The following CACNG8 variants were observed in gnomAD, a reference collection of about 807,000 sequenced individuals.
CACNG8 encodes the protein calcium voltage-gated channel auxiliary subunit gamma 8, also known as voltage-dependent calcium channel gamma-8 subunit.
CACNG8 carries 5 observed loss-of-function variants against 26.9 expected under a neutral mutation model. The observed-to-expected ratio is 0.19, with a 90% CI of 0.10 to 0.39. The LOEUF (loss-of-function observed/expected upper bound fraction) is 0.39. Among genes scored for constraint, CACNG8 ranks in the 10% least tolerant of loss-of-function variants. CACNG8 has a pLI of 1.00. For synonymous variants in CACNG8, 321 were observed against 296.7 expected (o/e 1.08, Z -0.84); for missense variants, 473 against 609.4 (o/e 0.78, Z 2.36).
At chr19:53,969,426 CTTT>C (rs535359558) in intron 1 of CACNG8, among the ~76,000 whole-genome samples, 9 of 140,102 alleles carry the variant, frequency 6.4e-5, no homozygotes, top group Non-Finnish European at 7.8e-5. Context: ...GATTTGTTTA[CTTT>C]TTTTTTTTTT....
At position 53,982,826 on chromosome 19, in the gene CACNG8, A is replaced by G. The variant is rs955211366; in HGVS notation, c.1255A>G (p.Asn419Asp). Reference sequence around the variant, plus strand: ...CGCCGCCTCCAACACCAACACGCTCAACAGGAAAACCACGCCTGTGTAGGG... The same window carrying G: ...CGCCGCCTCCAACACCAACACGCTCGACAGGAAAACCACGCCTGTGTAGGG... Residue 419 changes from asparagine to aspartate, a missense_variant, in exon 4 of 4, where the codon AAC (asparagine) becomes GAC (aspartate). Asn to Asp is a conservative substitution (Grantham distance 23). Transcript: ENST00000270458. This position sits in a 1 kb window ranked among gnomAD's most constrained non-coding sequence, Gnocchi z 8.4. The G allele has an allele frequency of 1.5e-6, 2 of 1,370,264 alleles. No homozygotes were observed. The highest frequency in any genetic ancestry group is 1.9e-6 in the Non-Finnish European group (2 of 1,055,156). The allele number at this position is 1,370,264 out of a possible 1,614,324, so 84.9% of individuals were successfully genotyped here.
rs532141444 is a variant in CACNG8, at chr19:53,963,373, G to A, written c.231G>A (p.Lys77=). Residue 77 remains lysine (K), a synonymous_variant, in exon 1 of 4, where the codon AAG becomes AAA. Coordinates refer to ENST00000270458, the MANE Select transcript of CACNG8 (RefSeq NM_031895.6). The stretch of plus-strand genomic sequence containing the variant: ...GGGGCGGCGGCGCCTCGGAGAAGAA[G>A]GACCCCGGCGGCCTCACGCACTCGG... 1.9e-6 allele frequency: 3 copies of A among 1,585,340 alleles called. No homozygotes were observed. Among genetic ancestry groups the A allele is most frequent in the Admixed American group, 1.7e-5 (1 of 57,982 alleles).
intron 3 of CACNG8, among the ~76,000 whole-genome samples, chr19:53,981,081 C>T (rs192360855): frequency 1.2e-4 from 19 of 152,024 alleles, no homozygotes; most frequent in African/African-American, 4.6e-4. Context: ...GAGTAGAAGG[C>T]GGGGCCTGCT....
rs1411323471 is a variant in CACNG8 at position 53,982,648 on chromosome 19, C to G, written c.1077C>G (p.Arg359=). 18 of 1,050,894 alleles carry G rather than the reference C, an allele frequency of 1.7e-5. No individual in the cohort carries two copies. The highest frequency in any genetic ancestry group is 2.1e-5 in the Non-Finnish European group (18 of 874,488). 65.1% of individuals were successfully genotyped at this position (1,050,894 alleles called of 1,614,324 possible). A position where few individuals can be genotyped will look rare whatever the true frequency, so the allele number is the denominator to read the frequency against. Residue 359 remains arginine (R), a synonymous_variant, in exon 4 of 4, where the codon CGC becomes CGG. Transcript: ENST00000270458. The surrounding 1 kb of genome is among the most constrained non-coding windows in gnomAD (Gnocchi z 8.4). Reference sequence around the variant, plus strand: ...GCGGGGCGGGTGCCGAGCGGGACCGCGGGGGGGCGTCCGGCTTCCTCACGC... The same window carrying G: ...GCGGGGCGGGTGCCGAGCGGGACCGGGGGGGGGCGTCCGGCTTCCTCACGC...
chr19:53,965,537 G>A (rs1568795657), intron 1 of CACNG8, among the ~76,000 whole-genome samples: 1 of 151,914 alleles, frequency 6.6e-6, no homozygotes, highest in South Asian at 2.1e-4. Flanking sequence ...AGGACAGCAC[G>A]TGGCATCTAG....
At chr19:53,966,248 C>T (rs1175196270) in intron 1 of CACNG8, among the ~76,000 whole-genome samples, 10 of 151,444 alleles carry the variant, frequency 6.6e-5, no homozygotes, top group Non-Finnish European at 1.2e-4. Flanking sequence ...CCACCATGCC[C>T]GGCTAATTTT....
intron 1 of CACNG8, among the ~76,000 whole-genome samples, chr19:53,975,164 G>A (rs2145937575): frequency 6.6e-6 from 1 of 152,064 alleles, no homozygotes; most frequent in East Asian, 1.9e-4. Flanking sequence ...GGCCAGGATG[G>A]TCTCGATTCT....
At chr19:53,969,874 G>A (rs2069292114) in intron 1 of CACNG8, among the ~76,000 whole-genome samples, 2 of 152,154 alleles carry the variant, frequency 1.3e-5, no homozygotes, top group Non-Finnish European at 2.9e-5. Context: ...GCTCACACCT[G>A]TAATCCCAGC....
intron 1 of CACNG8, among the ~76,000 whole-genome samples, chr19:53,965,227 A>G (rs936235982): frequency 3.3e-5 from 5 of 152,188 alleles, no homozygotes; most frequent in African/African-American, 1.2e-4. Flanking sequence ...CATTGCCAAC[A>G]GTTAAAAATA....
intron 1 of CACNG8, among the ~76,000 whole-genome samples, chr19:53,969,431 T>G (rs1043786173): frequency 4.0e-5 from 6 of 151,842 alleles, no homozygotes; most frequent in Middle Eastern, 3.4e-3. Flanking sequence ...GTTTACTTTT[T>G]TTTTTTTTTT....
rs561997929 is a variant in CACNG8 at position 53,967,843 on chromosome 19, T to C, written c.283+4418T>C. ...GAGAGAGACTCTAAGAAAAAAAAAC[T>C]TTTTTTTTTGAATTCCATGTCATTT... is the stretch of plus-strand genomic sequence containing the variant. On this transcript the variant is annotated intron_variant, in intron 1 of 3. Transcript: ENST00000270458. 6.5e-4 allele frequency among the ~76,000 whole-genome samples: 97 copies of C among 148,582 alleles called. 1 individual carries two copies. The East Asian group carries it at 0.015, about 24-fold the overall frequency.
chr19:53,976,330 G>T (rs2069330272), intron 1 of CACNG8, among the ~76,000 whole-genome samples: 2 of 152,172 alleles, frequency 1.3e-5, no homozygotes, highest in South Asian at 4.1e-4. Flanking sequence ...CTCCAAACTT[G>T]GGCAACAGAG....
chr19:53,965,272 T>A (rs891924499), intron 1 of CACNG8, among the ~76,000 whole-genome samples: 1 of 152,174 alleles, frequency 6.6e-6, no homozygotes, highest in African/African-American at 2.4e-5. Flanking sequence ...ATTTCCGGCT[T>A]CTTCTGAGCT....
chr19:53,968,343 C>A (rs916536572), intron 1 of CACNG8, among the ~76,000 whole-genome samples: 1 of 151,504 alleles, frequency 6.6e-6, no homozygotes, highest in African/African-American at 2.4e-5. Flanking sequence ...CCACTACACT[C>A]CAGTCTGGGC....
At position 53,963,316 on chromosome 19, in the gene CACNG8, G is replaced by C. The variant is rs756488946; in HGVS notation, c.174G>C (p.Thr58=). 5.4e-5 allele frequency: 86 copies of C among 1,603,000 alleles called. No homozygotes were observed. In the Admixed American group the frequency reaches 5.9e-4, roughly 11 times the overall value. The change falls in exon 1 of 4, where the codon ACG becomes ACC. Residue 58 remains threonine, a synonymous_variant. Coordinates refer to ENST00000270458, the MANE Select transcript of CACNG8 (RefSeq NM_031895.6). Reference sequence around the variant, plus strand: ...TCATCTGCAACACCACCAACCTCACGGCCGGCGGCGACGACGGGACCCCCC... The same window carrying C: ...TCATCTGCAACACCACCAACCTCACCGCCGGCGGCGACGACGGGACCCCCC...
chr19:53,963,092 C>T lies in CACNG8; in HGVS notation c.-51C>T, dbSNP rs989921847. ...CCCCCCAGCCGCCGGCACGGCCCCGCCCCCGCTGCCCCGGTGGTGGCCCAC... is the reference window on the plus strand; with the variant it reads ...CCCCCCAGCCGCCGGCACGGCCCCGTCCCCGCTGCCCCGGTGGTGGCCCAC... On this transcript the variant is annotated 5_prime_UTR_variant, in exon 1 of 4. Transcript: ENST00000270458. The T allele has an allele frequency of 4.5e-6, 6 of 1,321,196 alleles. No homozygotes were observed. The highest frequency in any genetic ancestry group is 3.3e-5 in the South Asian group (2 of 59,748). 81.8% of individuals were successfully genotyped at this position (1,321,196 alleles called of 1,614,324 possible).
Position 53,976,636 on chromosome 19 carries a change from C to T in CACNG8, c.284-1510C>T, listed in dbSNP as rs149928822. On this transcript the variant is annotated intron_variant, in intron 1 of 3. Coordinates refer to ENST00000270458, the MANE Select transcript of CACNG8 (RefSeq NM_031895.6). ...GCTTATATTCATTCATTAATTCATT[C>T]ATTCATTCTTCATTCAACCCTCATT... 2.8e-4 allele frequency among the ~76,000 whole-genome samples: 43 copies of T among 152,228 alleles called. 1 individual carries two copies. Among genetic ancestry groups the T allele is most frequent in the Admixed American group, 2.0e-3 (31 of 15,272 alleles).
At chr19:53,980,806 C>T (rs2069362121) in intron 3 of CACNG8, among the ~76,000 whole-genome samples, 1 of 152,182 alleles carries the variant, frequency 6.6e-6, no homozygotes. Flanking sequence ...GGGTAAGGCC[C>T]CCTTTCTACC....
intron 1 of CACNG8, among the ~76,000 whole-genome samples, chr19:53,967,876 C>A: frequency 6.6e-6 from 1 of 152,052 alleles, no homozygotes; most frequent in East Asian, 1.9e-4. Context: ...TTTTCACATG[C>A]CACAAAATCA....
Sources: allele counts gnomAD v4.1 joint callset (sites outside exome capture counted in the v4.1 genomes callset), GRCh38; gene constraint gnomAD v4.1.1; non-coding constraint Gnocchi (gnomAD v3.1); transcripts MANE v1.5; gene names NCBI Gene and HGNC (gene_info 2026-07-23, HGNC 2026-07-21).